The following FRMD4A variants were observed in gnomAD, a reference collection of about 807,000 sequenced individuals.
The protein encoded by FRMD4A is FERM domain-containing protein 4A.
In FRMD4A, 29 loss-of-function variants were observed where a neutral mutation model predicts 129.1. That is an observed-to-expected ratio of 0.22 (90% CI 0.17 to 0.31). The LOEUF (loss-of-function observed/expected upper bound fraction) is 0.31. FRMD4A is among the 10% of genes least tolerant of loss of function. FRMD4A has a pLI of 1.00. For missense variants in FRMD4A, 1,272 were observed against 1,375.8 expected (o/e 0.92, Z 1.19); for synonymous variants, 634 against 571.6 (o/e 1.11, Z -1.56).
intron 2 of FRMD4A, among the ~76,000 whole-genome samples, chr10:13,990,362 G>A (rs2095599036): frequency 6.6e-6 from 1 of 152,184 alleles, no homozygotes. Flanking sequence ...AAGGAGGGAG[G>A]AGGAAGTAAG....
Position 14,072,080 on chromosome 10 carries a change from G to T in FRMD4A, c.46-213168C>A, listed in dbSNP as rs552634472. Among the ~76,000 whole-genome samples, 4 of 152,256 alleles carry T rather than the reference G, an allele frequency of 2.6e-5. No homozygotes were observed. The South Asian group carries it at 8.3e-4, about 32-fold the overall frequency. ...TTATGTTAACAACTTCCTTCTTAAA[G>T]TAAAAATTCTCTTGGGAAGGCCCAA... is the stretch of plus-strand genomic sequence containing the variant. On this transcript the variant is annotated intron_variant, in intron 2 of 24. Coordinates refer to ENST00000357447, the MANE Select transcript of FRMD4A (RefSeq NM_018027.5).
chr10:14,046,221 T>G (rs971807892), intron 2 of FRMD4A, among the ~76,000 whole-genome samples: 1 of 152,192 alleles, frequency 6.6e-6, no homozygotes, highest in African/African-American at 2.4e-5. Flanking sequence ...CCTCAACATT[T>G]GTTAAATGAT....
At chr10:14,041,252 ATTC>A (rs1833768029) in intron 2 of FRMD4A, among the ~76,000 whole-genome samples, 1 of 152,212 alleles carries the variant, frequency 6.6e-6, no homozygotes, top group African/African-American at 2.4e-5. Flanking sequence ...TGTGCCTCAA[ATTC>A]TTCTGAGCTG....
chr10:13,921,911 T>G (rs1268263273), intron 2 of FRMD4A, among the ~76,000 whole-genome samples: 1 of 152,148 alleles, frequency 6.6e-6, no homozygotes, highest in African/African-American at 2.4e-5. Context: ...TCCCCTAAAT[T>G]TATATGTTGA....
chr10:14,251,364 T>G (rs1844435362), intron 2 of FRMD4A, among the ~76,000 whole-genome samples: 1 of 152,040 alleles, frequency 6.6e-6, no homozygotes, highest in African/African-American at 2.4e-5. Flanking sequence ...CTATGGGAGG[T>G]CCACATAGTG....
At chr10:13,780,326 CA>C (rs35947539) in intron 6 of FRMD4A, among the ~76,000 whole-genome samples, 76,412 of 145,488 alleles carry the variant, frequency 0.53, 21,199 homozygotes, top group Non-Finnish European at 0.62. Context: ...GACTGTGTCT[CA>C]AAAAAAAAAA....
intron 12 of FRMD4A, among the ~76,000 whole-genome samples, chr10:13,709,033 G>A (rs1001573772): frequency 1.3e-5 from 2 of 152,078 alleles, no homozygotes; most frequent in African/African-American, 4.8e-5. Context: ...CACGATCTCG[G>A]CTCACTGCAA....
Position 14,057,460 on chromosome 10 carries a change from A to C in FRMD4A, c.46-198548T>G, listed in dbSNP as rs7901466. On this transcript the variant is annotated intron_variant, in intron 2 of 24. Transcript: ENST00000357447. Reference sequence around the variant, plus strand: ...GGCTATTTTGTTACTGCTTCAATTCAAGAAATTTCAAGGAAAAGGCAACAT... The same window carrying C: ...GGCTATTTTGTTACTGCTTCAATTCCAGAAATTTCAAGGAAAAGGCAACAT... Among the ~76,000 whole-genome samples the C allele has an allele frequency of 1.3e-5, 2 of 152,152 alleles. 1 individual carries two copies. Among genetic ancestry groups the C allele is most frequent in the African/African-American group, 4.8e-5 (2 of 41,398 alleles).
At chr10:14,015,489 C>T (rs896139650) in intron 2 of FRMD4A, among the ~76,000 whole-genome samples, 1 of 151,472 alleles carries the variant, frequency 6.6e-6, no homozygotes, top group East Asian at 2.0e-4. Flanking sequence ...TACTTGTCCT[C>T]CATGAGCAGA....
Position 14,065,164 on chromosome 10 carries a change from T to C in FRMD4A, c.46-206252A>G, listed in dbSNP as rs557209384. On this transcript the variant is annotated intron_variant, in intron 2 of 24. Coordinates refer to ENST00000357447, the MANE Select transcript of FRMD4A (RefSeq NM_018027.5). ...CAGATAGAGAATAGCCTCGCCTAAT[T>C]CATTCATTGGGACTTTTTTTTTCCT... is the stretch of plus-strand genomic sequence containing the variant. 2.0e-5 allele frequency among the ~76,000 whole-genome samples: 3 copies of C among 152,198 alleles called. No individual in the cohort carries two copies. The South Asian group carries it at 6.2e-4, about 32-fold the overall frequency.
chr10:13,736,014 G>A (rs771260037), intron 12 of FRMD4A, among the ~76,000 whole-genome samples: 3 of 152,088 alleles, frequency 2.0e-5, no homozygotes, highest in South Asian at 4.2e-4. Context: ...TCAGCCAGGC[G>A]TGGTGGCAGG....
chr10:14,142,124 A>T (rs974514572), intron 2 of FRMD4A, among the ~76,000 whole-genome samples: 20 of 151,544 alleles, frequency 1.3e-4, no homozygotes, highest in East Asian at 1.9e-4. Flanking sequence ...TTTTTATTTT[A>T]AAAAAAAAGC....
Position 13,715,029 on chromosome 10 carries a change from A to G in FRMD4A, c.760-7916T>C, listed in dbSNP as rs572979241. 1.6e-3 allele frequency among the ~76,000 whole-genome samples: 239 copies of G among 146,378 alleles called. 1 individual carries two copies. The highest frequency in any genetic ancestry group is 2.8e-3 in the Admixed American group (39 of 14,046). ...ACTCCAGCCTGGGCGACAGAGGAAGACTCCGTCTCAAAAATAAAAAATTAA... is the reference window on the plus strand; with the variant it reads ...ACTCCAGCCTGGGCGACAGAGGAAGGCTCCGTCTCAAAAATAAAAAATTAA... On this transcript the variant is annotated intron_variant, in intron 12 of 24. Transcript: ENST00000357447.
intron 5 of FRMD4A, among the ~76,000 whole-genome samples, chr10:13,789,994 G>A (rs114906512): frequency 0.011 from 1,674 of 152,166 alleles, 22 homozygotes; most frequent in Middle Eastern, 0.051. Flanking sequence ...AGGGGTCAAG[G>A]CCAGACGCAG....
At chr10:13,943,151 T>A (rs1242346738) in intron 2 of FRMD4A, among the ~76,000 whole-genome samples, 1 of 152,096 alleles carries the variant, frequency 6.6e-6, no homozygotes. Flanking sequence ...CACGGCAAGA[T>A]GTCCAGGACA....
intron 2 of FRMD4A, chr10:13,972,412 T>C (rs905130469): frequency 9.0e-6 from 6 of 668,888 alleles, no homozygotes; most frequent in East Asian, 1.3e-4. Flanking sequence ...GGCATTTTCT[T>C]TGGAAGCGTC....
intron 2 of FRMD4A, among the ~76,000 whole-genome samples, chr10:13,886,182 T>C (rs2094617830): frequency 6.6e-6 from 1 of 152,198 alleles, no homozygotes; most frequent in African/African-American, 2.4e-5. Flanking sequence ...ATTATTTCCA[T>C]TCCCTGTGAT....
At chr10:14,052,344 T>A (rs1588875419) in intron 2 of FRMD4A, among the ~76,000 whole-genome samples, 1 of 152,346 alleles carries the variant, frequency 6.6e-6, no homozygotes, top group Non-Finnish European at 1.5e-5. Context: ...TCTGTCTGCT[T>A]TGCATTGCTA....
chr10:13,654,271 C>T lies in FRMD4A; in HGVS notation c.3050+145G>A. 1.6e-5 allele frequency: 11 copies of T among 680,318 alleles called. 1 individual carries two copies. The South Asian group carries it at 1.7e-4, about 10-fold the overall frequency. 42.1% of individuals were successfully genotyped at this position (680,318 alleles called of 1,614,324 possible). A position where few individuals can be genotyped will look rare whatever the true frequency, so the allele number is the denominator to read the frequency against. ...GGAGTAGGCAGAGGTGACAGCAGAT[C>T]ATGGGGCTTCTCTTGAAAGGAAGAC... On this transcript the variant is annotated intron_variant, in intron 23 of 24. Coordinates refer to ENST00000357447, the MANE Select transcript of FRMD4A (RefSeq NM_018027.5).
Sources: allele counts gnomAD v4.1 joint callset (sites outside exome capture counted in the v4.1 genomes callset), GRCh38; gene constraint gnomAD v4.1.1; transcripts MANE v1.5; gene names NCBI Gene and HGNC (gene_info 2026-07-23, HGNC 2026-07-21).